Variants in MUC5B observed in about 807,000 individuals in gnomAD.
MUC5B encodes the protein mucin 5B, oligomeric mucus/gel-forming.
Under a neutral mutation model 376.9 loss-of-function variants are expected in MUC5B, and 116 were observed. The observed-to-expected ratio is 0.31, with a 90% CI of 0.26 to 0.36. The LOEUF (loss-of-function observed/expected upper bound fraction) is 0.36, where lower values mean the gene tolerates loss of function less well. MUC5B is among the 10% of genes least tolerant of loss of function. The pLI is 1.00. For missense variants in MUC5B, 7,165 were observed against 7,769.9 expected (o/e 0.92, Z 2.93); for synonymous variants, 3,517 against 3,390.9 (o/e 1.04, Z -1.29).
In MUC5B at chr11:1,233,085, G is replaced by A. The variant is rs199538432; in HGVS notation, c.2138G>A (p.Arg713His). ...YVVDACQPTC[R>H]GLSEADVTCS... is the part of the protein sequence containing the mutation. ...GTGGATGCCTGCCAGCCCACTTGCCGCGGCCTGAGTGAGGCCGACGTCACC... is the reference window on the plus strand; with the variant it reads ...GTGGATGCCTGCCAGCCCACTTGCCACGGCCTGAGTGAGGCCGACGTCACC... Residue 713 changes from arginine to histidine, a missense_variant, in exon 18 of 49, where the codon CGC (arginine) becomes CAC (histidine). Coordinates refer to ENST00000529681, the MANE Select transcript of MUC5B (RefSeq NM_002458.3). The A allele has an allele frequency of 8.1e-6, 13 of 1,607,104 alleles. No homozygotes were observed. Among genetic ancestry groups the A allele is most frequent in the African/African-American group, 2.7e-5 (2 of 74,908 alleles).
intron 24 of MUC5B, 57 bp downstream of exon 24, chr11:1,236,619 C>T: frequency 6.4e-7 from 1 of 1,552,518 alleles, no homozygotes; most frequent in Non-Finnish European, 8.8e-7. Flanking sequence ...GTGACAGAAA[C>T]CCTGGTGCCA....
intron 17 of MUC5B, 56 bp from the exon 18 acceptor site, chr11:1,232,957 G>T: frequency 6.7e-7 from 1 of 1,497,038 alleles, no homozygotes; most frequent in African/African-American, 1.4e-5. Context: ...TTGAAGATGG[G>T]GGCTGGCCAG....
chr11:1,260,159 C>G (rs1291041694), intron 46 of MUC5B, 74 bp downstream of exon 46: 1 of 1,564,858 alleles, frequency 6.4e-7, no homozygotes, highest in African/African-American at 1.4e-5. Flanking sequence ...TCTGGGATGC[C>G]CTGCACAGCA....
intron 38 of MUC5B, 105 bp from the exon 39 acceptor site, chr11:1,256,566 T>C: frequency 1.9e-6 from 1 of 526,096 alleles, no homozygotes; most frequent in South Asian, 2.1e-5. Flanking sequence ...CTCCACCCAT[T>C]CATCTCCTTC....
rs761642258 is a variant in MUC5B at position 1,252,447 on chromosome 11, C to T, written c.14968C>T (p.Pro4990Ser). 1.2e-6 allele frequency: 2 copies of T among 1,610,602 alleles called. No individual in the cohort carries two copies. The change falls in exon 32 of 49, where the codon CCA becomes TCA. Residue 4990 changes from proline to serine, a missense_variant. Transcript: ENST00000529681. ...DRFQGACPTSPPPVSSAPLSS... is the reference protein window; with the variant it reads ...DRFQGACPTSSPPVSSAPLSS... ...CTTCCAGGGCGCCTGTCCCACCTCC[C>T]CACCGCCAGTGTCCTCCGCCCCGCT...
chr11:1,255,460 G>T lies in MUC5B; in HGVS notation c.15968G>T (p.Arg5323Leu). The part of the protein sequence containing the change: ...NACISDHCRG[R>L]LEVPCQSLEA... ...TGCATCAGCGACCACTGCAGGGGCC[G>T]CCTTGAGGTGCCCTGCCAGAGCCTG... Residue 5323 changes from arginine to leucine, a missense_variant, in exon 37 of 49, where the codon CGC (arginine) becomes CTC (leucine). By Grantham distance (102) the Arg-to-Leu change is moderately radical (BLOSUM62 -2). Around this residue, in one of 31 missense-constraint regions of MUC5B, gnomAD observed 842 missense variants for 1,016.9 expected, o/e 0.83. Coordinates refer to ENST00000529681, the MANE Select transcript of MUC5B (RefSeq NM_002458.3). The T allele has an allele frequency of 6.3e-7, 1 of 1,595,118 alleles. No individual in the cohort carries two copies. The highest frequency in any genetic ancestry group is 1.1e-5 in the South Asian group (1 of 88,210).
rs552832565 is a variant in MUC5B, at chr11:1,230,436, G to A, written c.1360-54G>A. The A allele has an allele frequency of 2.8e-5, 41 of 1,478,352 alleles. No homozygotes were observed. The African/African-American group carries it at 5.1e-4, about 18-fold the overall frequency. The allele number at this position is 1,478,352 out of a possible 1,614,324, so 91.6% of individuals were successfully genotyped here. A position where few individuals can be genotyped will look rare whatever the true frequency, so the allele number is the denominator to read the frequency against. On this transcript the variant is annotated intron_variant, in intron 11 of 48. Coordinates refer to ENST00000529681, the MANE Select transcript of MUC5B (RefSeq NM_002458.3). Reference sequence around the variant, plus strand: ...GGGCATCCCCAGCACACTTCTGGGGGGCACCCCACATCATCGAGCCAGGCC... The same window carrying A: ...GGGCATCCCCAGCACACTTCTGGGGAGCACCCCACATCATCGAGCCAGGCC...
chr11:1,258,854 T>A lies in MUC5B; in HGVS notation c.16594-88T>A, dbSNP rs1389990069. ...ATGCTCCATCTGAGGAAGGAACAAC[T>A]CCCTGCAGGCCCCATTGGGTCATGG... On this transcript the variant is annotated intron_variant, in intron 43 of 48. Coordinates refer to ENST00000529681, the MANE Select transcript of MUC5B (RefSeq NM_002458.3). The surrounding 1 kb of genome is among the most constrained non-coding windows in gnomAD (Gnocchi z 5.5). 6.6e-7 allele frequency: 1 copy of A among 1,510,082 alleles called. No individual in the cohort carries two copies. The highest frequency in any genetic ancestry group is 8.9e-7 in the Non-Finnish European group (1 of 1,123,624). The allele number at this position is 1,510,082 out of a possible 1,614,324, so 93.5% of individuals were successfully genotyped here.
At position 1,246,823 on chromosome 11, in the gene MUC5B, G is replaced by C. The variant is rs527955754; in HGVS notation, c.9943G>C (p.Gly3315Arg). Residue 3315 changes from glycine (G) to arginine (R), a missense_variant, in exon 31 of 49, where the codon GGC becomes CGC. Gly to Arg is a moderately radical substitution (Grantham distance 125). Around this residue, in one of 31 missense-constraint regions of MUC5B, gnomAD observed 939 missense variants for 770.6 expected, o/e 1.22. Coordinates refer to ENST00000529681, the MANE Select transcript of MUC5B (RefSeq NM_002458.3). ...TTKVPTTTTT[G>R]FTATPSSSPG... is the part of the protein sequence containing the mutation. ...CAAAGTGCCGACTACCACAACCACG[G>C]GCTTCACAGCCACCCCCTCCTCCAG... 3.6e-5 allele frequency: 58 copies of C among 1,604,500 alleles called. No individual in the cohort carries two copies. In the East Asian group the frequency reaches 1.3e-3, roughly 35 times the overall value.
chr11:1,240,037 A>C lies in MUC5B; in HGVS notation c.3729-8A>C. 2 of 1,580,034 alleles carry C rather than the reference A, an allele frequency of 1.3e-6. No homozygotes were observed. The highest frequency in any genetic ancestry group is 1.2e-5 in the South Asian group (1 of 85,444). ...CAGGCCCTCAGCTCGCCTCTCCCCC[A>C]CCCCTAGTAACTGCACACCCAGTGG... On this transcript the variant is annotated splice_region_variant and splice_polypyrimidine_tract_variant and intron_variant, in intron 28 of 48. Transcript: ENST00000529681.
chr11:1,258,964 C>T lies in MUC5B; in HGVS notation c.16616C>T (p.Ala5539Val), dbSNP rs756458920. ...FYGVGATFPG[A>V]LPCHMCTCLS... ...CAGGTTGGTGCAACCTTCCCAGGCG[C>T]CCTTCCCTGCCACATGTGTACCTGC... is the stretch of plus-strand genomic sequence containing the variant. The change falls in exon 44 of 49, where the codon GCC (alanine) becomes GTC (valine). Residue 5539 changes from alanine (A) to valine (V), a missense_variant. Coordinates refer to ENST00000529681, the MANE Select transcript of MUC5B (RefSeq NM_002458.3). This position sits in a 1 kb window ranked among gnomAD's most constrained non-coding sequence, Gnocchi z 5.5. 6.4e-7 allele frequency: 1 copy of T among 1,552,686 alleles called. No individual in the cohort carries two copies. Among genetic ancestry groups the T allele is most frequent in the South Asian group, 1.2e-5 (1 of 84,186 alleles).
At position 1,251,361 on chromosome 11, in the gene MUC5B, T is replaced by C; in HGVS notation, c.14481T>C (p.Thr4827=). 2 of 1,607,894 alleles carry C rather than the reference T, an allele frequency of 1.2e-6. No homozygotes were observed. Among genetic ancestry groups the C allele is most frequent in the African/African-American group, 1.3e-5 (1 of 74,412 alleles). Residue 4827 remains threonine, a synonymous_variant, in exon 31 of 49, where the codon ACT becomes ACC. Coordinates refer to ENST00000529681, the MANE Select transcript of MUC5B (RefSeq NM_002458.3). ...RILTELTTTA[T]TTAATGSTAT... ...TCACTGAGCTGACCACAACAGCCAC[T>C]ACAACTGCAGCCACTGGATCCACGG...
In MUC5B at chr11:1,252,330, T is replaced by G. The variant is rs747447309; in HGVS notation, c.14864-13T>G. On this transcript the variant is annotated splice_polypyrimidine_tract_variant and intron_variant, in intron 31 of 48. Coordinates refer to ENST00000529681, the MANE Select transcript of MUC5B (RefSeq NM_002458.3). ...GGGAGTGGCTTATCTTTCTATGGTG[T>G]TGTTCTTCACAGGGGAAGTCATCTA... is the stretch of plus-strand genomic sequence containing the variant. 29 of 1,535,022 alleles carry G rather than the reference T, an allele frequency of 1.9e-5. No individual in the cohort carries two copies. In the African/African-American group the frequency reaches 2.5e-4, roughly 13 times the overall value.
In MUC5B at chr11:1,243,249, C is replaced by A. The variant is rs1862342599; in HGVS notation, c.6369C>A (p.Ser2123Arg). Residue 2123 changes from serine to arginine, a missense_variant, in exon 31 of 49, where the codon AGC (serine) becomes AGA (arginine). Ser to Arg is a moderately radical substitution (Grantham distance 110). Around this residue, in one of 31 missense-constraint regions of MUC5B, gnomAD observed 897 missense variants for 779.6 expected, o/e 1.15. Coordinates refer to ENST00000529681, the MANE Select transcript of MUC5B (RefSeq NM_002458.3). ...GTTCTATGGCAACACCCTCCTCTAG[C>A]ACACAGACCAGTGGTACTCCCCCAT... The part of the protein sequence containing the change: ...ATGSMATPSS[S>R]TQTSGTPPSL... The A allele has an allele frequency of 9.0e-6, 14 of 1,557,218 alleles. No homozygotes were observed. Among genetic ancestry groups the A allele is most frequent in the Non-Finnish European group, 1.1e-5 (13 of 1,150,542 alleles).
At position 1,245,027 on chromosome 11, in the gene MUC5B, C is replaced by G; in HGVS notation, c.8147C>G (p.Pro2716Arg). Reference sequence around the variant, plus strand: ...TCAACTCCAGGGACAACACCTATCCCCCCAGTGCTGACCACCACCGCCACC... The same window carrying G: ...TCAACTCCAGGGACAACACCTATCCGCCCAGTGCTGACCACCACCGCCACC... ...PSSTPGTTPI[P>R]PVLTTTATTP... is the part of the protein sequence containing the mutation. The change falls in exon 31 of 49, where the codon CCC becomes CGC. Residue 2716 changes from proline (P) to arginine (R), a missense_variant. Coordinates refer to ENST00000529681, the MANE Select transcript of MUC5B (RefSeq NM_002458.3). 6.5e-7 allele frequency: 1 copy of G among 1,548,772 alleles called. No individual in the cohort carries two copies. Among genetic ancestry groups the G allele is most frequent in the Non-Finnish European group, 8.7e-7 (1 of 1,145,712 alleles).
chr11:1,230,660 G>A (rs1862006932), intron 12 of MUC5B, 60 bp downstream of exon 12: 4 of 1,459,710 alleles, frequency 2.7e-6, no homozygotes. Flanking sequence ...GGTGTGTGGG[G>A]AGCAAGCACG....
At position 1,233,713 on chromosome 11, in the gene MUC5B, C is replaced by G. The variant is rs575900544; in HGVS notation, c.2322-80C>G. The G allele has an allele frequency of 2.8e-6, 4 of 1,425,844 alleles. 1 individual carries two copies. The South Asian group carries it at 4.9e-5, about 17-fold the overall frequency. The allele number at this position is 1,425,844 out of a possible 1,614,324, so 88.3% of individuals were successfully genotyped here. On this transcript the variant is annotated intron_variant, in intron 18 of 48. Transcript: ENST00000529681. ...GGCCAGGCTGGGGAGGCCCAGCGTT[C>G]GGCGGGGGCTCGGAAGCCCGGGGGT... is the stretch of plus-strand genomic sequence containing the variant.
At chr11:1,259,160 C>G in intron 44 of MUC5B, 99 bp downstream of exon 44, 1 of 1,248,378 alleles carries the variant, frequency 8.0e-7, no homozygotes, top group Non-Finnish European at 1.1e-6. Flanking sequence ...GAGTCACCCG[C>G]CCCCAGGTGA....
Position 1,244,815 on chromosome 11 carries a change from C to T in MUC5B, c.7935C>T (p.Ser2645=). The T allele has an allele frequency of 6.2e-7, 1 of 1,613,618 alleles. No individual in the cohort carries two copies. The highest frequency in any genetic ancestry group is 8.5e-7 in the Non-Finnish European group (1 of 1,179,732). ...STTTTPTTRG[S]TVTPSSIPGT... is the part of the protein sequence containing the mutation. ...CCACCACACCCACAACCAGAGGTTC[C>T]ACGGTGACCCCCTCCTCCATCCCGG... is the stretch of plus-strand genomic sequence containing the variant. The change falls in exon 31 of 49, where the codon TCC becomes TCT. Residue 2645 remains serine (S), a synonymous_variant. Transcript: ENST00000529681.
Sources: gnomAD v4.1 joint callset for allele counts on GRCh38, gnomAD v4.1.1 for gene constraint, gnomAD v4.1.1 regional missense constraint, Gnocchi (gnomAD v3.1) non-coding constraint, MANE v1.5 for transcripts, NCBI Gene and HGNC (gene_info 2026-07-23, HGNC 2026-07-21) for gene names.